Variants in MYO6 observed in about 807,000 individuals in gnomAD.
The protein encoded by MYO6 is myosin VI.
MYO6 carries 74 observed loss-of-function variants against 178.7 expected under a neutral mutation model. That is an observed-to-expected ratio of 0.41 (90% CI 0.34 to 0.50). The LOEUF is 0.50. MYO6 is among the 20% of genes least tolerant of loss of function. The pLI is 0.09. For missense variants in MYO6, 1,330 were observed against 1,547.4 expected (o/e 0.86, Z 2.36); for synonymous variants, 477 against 504.6 (o/e 0.95, Z 0.73).
chr6:75,799,686 GAATGAAATGAAACAAGA>G (rs918977338), intron 1 of MYO6, among the ~76,000 whole-genome samples: 48 of 152,210 alleles, frequency 3.2e-4, no homozygotes, highest in African/African-American at 1.1e-3. Flanking sequence ...TCATTTCAAG[GAATGAAATGAAACAAGA>G]TGGCTCTTGT....
intron 32 of MYO6, among the ~76,000 whole-genome samples, chr6:75,910,394 A>G (rs1484636251): frequency 6.6e-6 from 1 of 152,194 alleles, no homozygotes; most frequent in African/African-American, 2.4e-5. Flanking sequence ...ACACATATTT[A>G]TTGTATTTGT....
chr6:75,821,515 A>G (rs894032766), intron 2 of MYO6, among the ~76,000 whole-genome samples: 68 of 152,100 alleles, frequency 4.5e-4, no homozygotes, highest in African/African-American at 1.4e-3. Flanking sequence ...CTGGGTTCCA[A>G]GTAATTAACT....
At chr6:75,749,601 G>C (rs796574858) in intron 1 of MYO6, among the ~76,000 whole-genome samples, 178 bp downstream of exon 1, 19 of 152,294 alleles carry the variant, frequency 1.2e-4, no homozygotes, top group African/African-American at 3.8e-4. Flanking sequence ...CAGTGGGGCC[G>C]GCGGTGGTTC....
At chr6:75,775,773 G>T (rs923521928) in intron 1 of MYO6, among the ~76,000 whole-genome samples, 12 of 152,122 alleles carry the variant, frequency 7.9e-5, no homozygotes, top group Admixed American at 6.6e-5. Flanking sequence ...GAGGGAATAT[G>T]GTCTGAGTCA....
intron 27 of MYO6, 95 bp downstream of exon 27, chr6:75,891,401 G>A: frequency 5.9e-6 from 5 of 840,832 alleles, no homozygotes; most frequent in South Asian, 4.2e-5. Context: ...GGGAGGCCGA[G>A]GCGGGCGGAT....
At chr6:75,854,612 A>G (rs1775579250) in intron 11 of MYO6, among the ~76,000 whole-genome samples, 1 of 152,148 alleles carries the variant, frequency 6.6e-6, no homozygotes. Context: ...CTCAGCCTGT[A>G]CAGGTAATAG....
chr6:75,895,861 T>C (rs1282643571), intron 29 of MYO6, among the ~76,000 whole-genome samples: 2 of 152,118 alleles, frequency 1.3e-5, no homozygotes, highest in African/African-American at 4.8e-5. Flanking sequence ...TACTTCTTTA[T>C]AGAAGCAGGT....
At chr6:75,818,745 T>C (rs753067825) in intron 2 of MYO6, among the ~76,000 whole-genome samples, 6 of 152,140 alleles carry the variant, frequency 3.9e-5, no homozygotes, top group Admixed American at 1.3e-4. Flanking sequence ...AAATGCATAA[T>C]GTATAATGTG....
chr6:75,794,393 G>A (rs909971646), intron 1 of MYO6, among the ~76,000 whole-genome samples: 1 of 152,148 alleles, frequency 6.6e-6, no homozygotes, highest in African/African-American at 2.4e-5. Flanking sequence ...CCAGGATTAA[G>A]GCAAGATCCT....
rs9359142 is a variant in MYO6 at position 75,852,799 on chromosome 6, C to T, written c.1079-2340C>T. 4.4e-4 allele frequency among the ~76,000 whole-genome samples: 67 copies of T among 152,276 alleles called. 1 individual carries two copies. The highest frequency in any genetic ancestry group is 2.9e-3 in the Admixed American group (44 of 15,296). ...TTTTTGGCTATTATGAATAATGCTGCTGAGAACGTTTGTGTACAAATTTGT... is the reference window on the plus strand; with the variant it reads ...TTTTTGGCTATTATGAATAATGCTGTTGAGAACGTTTGTGTACAAATTTGT... On this transcript the variant is annotated intron_variant, in intron 11 of 34. Coordinates refer to ENST00000369977, the MANE Select transcript of MYO6 (RefSeq NM_004999.4).
At chr6:75,899,716 TTC>T (rs1491393808) in intron 30 of MYO6, among the ~76,000 whole-genome samples, 1 of 151,684 alleles carries the variant, frequency 6.6e-6, no homozygotes, top group Non-Finnish European at 1.5e-5. Context: ...TTTTTTTTTT[TTC>T]TTCTGGAACA....
In MYO6 at chr6:75,892,677, C is replaced by G; in HGVS notation, c.3094C>G (p.Leu1032Val). 1.2e-6 allele frequency: 2 copies of G among 1,612,386 alleles called. No individual in the cohort carries two copies. The highest frequency in any genetic ancestry group is 1.7e-6 in the Non-Finnish European group (2 of 1,179,986). Reference protein sequence around the residue: ...ELISDEAQADLALRRNDGTRP... With the variant: ...ELISDEAQADVALRRNDGTRP... Reference sequence around the variant, plus strand: ...CATCAGTGATGAGGCCCAGGCCGACCTGGCGCTGCGGAGGTACTGGGGCCC... The same window carrying G: ...CATCAGTGATGAGGCCCAGGCCGACGTGGCGCTGCGGAGGTACTGGGGCCC... The change falls in exon 28 of 35, where the codon CTG becomes GTG. Residue 1032 changes from leucine (L) to valine (V), a missense_variant. By Grantham distance (32) the Leu-to-Val change is conservative. Transcript: ENST00000369977.
intron 26 of MYO6, among the ~76,000 whole-genome samples, chr6:75,890,662 T>C (rs2149369359): frequency 6.6e-6 from 1 of 152,312 alleles, no homozygotes; most frequent in East Asian, 1.9e-4. Context: ...CTTAAAACTG[T>C]GTTCTTATTT....
intron 18 of MYO6, chr6:75,867,320 G>T: frequency 2.2e-6 from 1 of 455,814 alleles, no homozygotes; most frequent in Non-Finnish European, 3.9e-6. Flanking sequence ...GTTCATTCTT[G>T]GTTCTTAACA....
At chr6:75,813,901 G>A (rs1770944458) in intron 1 of MYO6, among the ~76,000 whole-genome samples, 1 of 152,132 alleles carries the variant, frequency 6.6e-6, no homozygotes, top group South Asian at 2.1e-4. Flanking sequence ...GAATTGGTTG[G>A]TATCCAGGTT....
At chr6:75,765,995 T>A (rs1182856671) in intron 1 of MYO6, among the ~76,000 whole-genome samples, 1 of 152,128 alleles carries the variant, frequency 6.6e-6, no homozygotes, top group Non-Finnish European at 1.5e-5. Flanking sequence ...ACCACTGAAC[T>A]TCAGCCTGGG....
intron 19 of MYO6, among the ~76,000 whole-genome samples, chr6:75,872,114 A>G (rs888344377): frequency 3.3e-5 from 5 of 152,072 alleles, no homozygotes; most frequent in Admixed American, 1.3e-4. Flanking sequence ...GGTTGACAGA[A>G]TGAGACTCTC....
chr6:75,902,640 C>A (rs1173435368), intron 30 of MYO6, among the ~76,000 whole-genome samples: 2 of 151,876 alleles, frequency 1.3e-5, no homozygotes, highest in African/African-American at 4.8e-5. Flanking sequence ...GTCTTGCTAG[C>A]GGTCTATCAA....
chr6:75,853,214 T>C (rs1031018667), intron 11 of MYO6, among the ~76,000 whole-genome samples: 1 of 152,204 alleles, frequency 6.6e-6, no homozygotes, highest in Non-Finnish European at 1.5e-5. Context: ...GTAAGAGTTT[T>C]GAAAATATAT....
Sources: allele counts gnomAD v4.1 joint callset (sites outside exome capture counted in the v4.1 genomes callset), GRCh38; gene constraint gnomAD v4.1.1; transcripts MANE v1.5; gene names NCBI Gene and HGNC (gene_info 2026-07-23, HGNC 2026-07-21).